Variants in C9 observed in about 807,000 individuals in gnomAD.
C9 encodes the protein complement C9, also known as complement component C9.
Under a neutral mutation model 65.4 loss-of-function variants are expected in C9, and 63 were observed. The ratio of observed to expected loss-of-function variants is 0.96; its 90% CI spans 0.79 to 1.19. The LOEUF (loss-of-function observed/expected upper bound fraction) is 1.19. Among genes scored for constraint, C9 ranks in the 50% most tolerant of loss-of-function variants. The pLI is 0.00. For missense variants in C9, 744 were observed against 670.1 expected, an observed-to-expected ratio of 1.11 and a Z score of -1.22; for synonymous variants, 229 against 227.9, an observed-to-expected ratio of 1.00 and a Z score of -0.04.
chr5:39,330,576 T>A (rs767537908), intron 5 of C9, among the ~76,000 whole-genome samples: 2 of 152,180 alleles, frequency 1.3e-5, no homozygotes, highest in African/African-American at 2.4e-5. Flanking sequence ...TATTTTCTAT[T>A]TAAGAAAGGA....
At chr5:39,315,701 T>A (rs934855573) in intron 6 of C9, 74 bp downstream of exon 6, 10 of 1,109,546 alleles carry the variant, frequency 9.0e-6, no homozygotes, top group South Asian at 2.9e-5. Flanking sequence ...ATGATTTCTA[T>A]TTGCTCAAAA....
chr5:39,311,485 AC>A, intron 6 of C9, 108 bp from the exon 7 acceptor site: 1 of 953,114 alleles, frequency 1.0e-6, no homozygotes, highest in Non-Finnish European at 1.7e-6. Flanking sequence ...TTTAGCAGTG[AC>A]CATGAGATAC....
intron 8 of C9, among the ~76,000 whole-genome samples, chr5:39,307,189 AAAAAG>A (rs1753397635): frequency 6.6e-6 from 1 of 152,210 alleles, no homozygotes; most frequent in Non-Finnish European, 1.5e-5. Flanking sequence ...TTAATATTAC[AAAAAG>A]AAGAGTTCAA....
At chr5:39,313,080 T>C (rs1306140784) in intron 6 of C9, among the ~76,000 whole-genome samples, 3 of 152,154 alleles carry the variant, frequency 2.0e-5, no homozygotes, top group Non-Finnish European at 2.9e-5. Context: ...TTTGGGTCAA[T>C]TTACTTCAAA....
At chr5:39,321,943 A>G (rs904756978) in intron 5 of C9, among the ~76,000 whole-genome samples, 1 of 152,088 alleles carries the variant, frequency 6.6e-6, no homozygotes, top group Non-Finnish European at 1.5e-5. Flanking sequence ...TAGGCAGGTC[A>G]TCTGGAGAGA....
chr5:39,294,962 A>G (rs1006513417), intron 9 of C9, among the ~76,000 whole-genome samples: 1 of 151,918 alleles, frequency 6.6e-6, no homozygotes, highest in African/African-American at 2.4e-5. Context: ...AACAGAAACC[A>G]TGTGATCATC....
intron 5 of C9, among the ~76,000 whole-genome samples, chr5:39,316,589 C>T (rs1306347419): frequency 1.3e-5 from 2 of 152,144 alleles, no homozygotes; most frequent in Non-Finnish European, 2.9e-5. Context: ...CAAGTGAGAA[C>T]ATGAGGTGTT....
chr5:39,310,040 C>T (rs980377296), intron 7 of C9, among the ~76,000 whole-genome samples: 26 of 152,220 alleles, frequency 1.7e-4, no homozygotes, highest in African/African-American at 5.8e-4. Flanking sequence ...GGATATAGCC[C>T]TGTGAAAGTG....
intron 9 of C9, among the ~76,000 whole-genome samples, chr5:39,291,492 G>A (rs1404228085): frequency 1.3e-5 from 2 of 151,648 alleles, no homozygotes; most frequent in Non-Finnish European, 2.9e-5. Context: ...ACAAAGGACA[G>A]AATAAATAAG....
intron 5 of C9, among the ~76,000 whole-genome samples, chr5:39,320,962 A>G (rs1257915712): frequency 2.0e-5 from 3 of 152,146 alleles, no homozygotes; most frequent in Admixed American, 2.0e-4. Flanking sequence ...GGAATAAAAA[A>G]TTTCCCAGAG....
At chr5:39,349,474 G>T (rs1419347733) in intron 1 of C9, among the ~76,000 whole-genome samples, 2 of 152,188 alleles carry the variant, frequency 1.3e-5, no homozygotes, top group Non-Finnish European at 2.9e-5. Context: ...AATGCTGGAA[G>T]CACATTTATG....
intron 2 of C9, among the ~76,000 whole-genome samples, 161 bp downstream of exon 2, chr5:39,341,930 A>T (rs1289423274): frequency 6.6e-6 from 1 of 152,190 alleles, no homozygotes; most frequent in South Asian, 2.1e-4. Flanking sequence ...CAACATAAAG[A>T]TTTCCTGGAA....
At chr5:39,295,038 A>G (rs990833900) in intron 9 of C9, among the ~76,000 whole-genome samples, 5 of 151,892 alleles carry the variant, frequency 3.3e-5, no homozygotes, top group Admixed American at 3.3e-4. Context: ...TTCTCGATAA[A>G]TTAGGTATAG....
At chr5:39,330,428 C>T (rs993648281) in intron 5 of C9, among the ~76,000 whole-genome samples, 4 of 152,154 alleles carry the variant, frequency 2.6e-5, no homozygotes, top group Non-Finnish European at 4.4e-5. Context: ...CAAGTTATTA[C>T]CCCTCTGGAG....
At chr5:39,337,437 T>G (rs959128263) in intron 4 of C9, among the ~76,000 whole-genome samples, 11 of 152,238 alleles carry the variant, frequency 7.2e-5, no homozygotes, top group African/African-American at 2.7e-4. Context: ...ACAGCCAGTC[T>G]AGTCCAGAAT....
At chr5:39,313,533 A>C (rs1256239235) in intron 6 of C9, among the ~76,000 whole-genome samples, 1 of 152,230 alleles carries the variant, frequency 6.6e-6, no homozygotes, top group Non-Finnish European at 1.5e-5. Flanking sequence ...AATCTTGTTA[A>C]AATGCAACAC....
intron 1 of C9, among the ~76,000 whole-genome samples, chr5:39,361,359 G>A (rs1039776861): frequency 5.3e-5 from 8 of 152,258 alleles, no homozygotes; most frequent in Non-Finnish European, 1.2e-4. Context: ...CTCACGGAAA[G>A]TTATGAGTAG....
rs769359426 is a variant in C9 at position 39,311,220 on chromosome 5, C to T, written c.1028G>A (p.Gly343Glu). 1.2e-6 allele frequency: 2 copies of T among 1,613,416 alleles called. No homozygotes were observed. Among genetic ancestry groups the T allele is most frequent in the Non-Finnish European group, 1.7e-6 (2 of 1,179,422 alleles). The change falls in exon 7 of 11, where the codon GGA becomes GAA. Residue 343 changes from glycine to glutamate, a missense_variant. Coordinates refer to ENST00000263408, the MANE Select transcript of C9 (RefSeq NM_001737.5). ...AGACCCAGAGCTACTGTAGTGAGTTCCATAGGTTTCCAAAAAGGCAAAATA... is the reference window on the plus strand; with the variant it reads ...AGACCCAGAGCTACTGTAGTGAGTTTCATAGGTTTCCAAAAAGGCAAAATA... The part of the protein sequence containing the change: ...GEYFAFLETY[G>E]THYSSSGSLG...
At chr5:39,303,357 G>A (rs17468519) in intron 9 of C9, among the ~76,000 whole-genome samples, 7,927 of 152,064 alleles carry the variant, frequency 0.052, 258 homozygotes, top group Middle Eastern at 0.082. Context: ...AGATTTTTGG[G>A]CTGGGCCAAG....
Sources: gnomAD v4.1 joint callset for allele counts (sites outside exome capture counted in the v4.1 genomes callset) on GRCh38, gnomAD v4.1.1 for gene constraint, MANE v1.5 for transcripts, NCBI Gene and HGNC (gene_info 2026-07-23, HGNC 2026-07-21) for gene names.